The following AIFM3 variants were observed in gnomAD, a reference collection of about 807,000 sequenced individuals.
The protein encoded by AIFM3 is AIF family member 3.
A neutral mutation model predicts 82.7 loss-of-function variants in AIFM3; 71 were observed. That is an observed-to-expected ratio of 0.86 (90% CI 0.71 to 1.05). AIFM3 has a LOEUF of 1.05. Among genes scored for constraint, AIFM3 ranks in the 50% least tolerant of loss-of-function variants. The pLI, the probability that AIFM3 is intolerant of heterozygous loss-of-function variation, is 0.00. For missense variants in AIFM3, 748 were observed against 816.7 expected (o/e 0.92, Z 1.03); for synonymous variants, 337 against 329.1 (o/e 1.02, Z -0.26).
In AIFM3 at chr22:20,977,588, C is replaced by A; in HGVS notation, c.1283-112C>A. The A allele has an allele frequency of 1.5e-5, 21 of 1,361,466 alleles. No homozygotes were observed. In the South Asian group the frequency reaches 1.7e-4, roughly 11 times the overall value. The allele number at this position is 1,361,466 out of a possible 1,614,324, so 84.3% of individuals were successfully genotyped here. A position where few individuals can be genotyped will look rare whatever the true frequency, so the allele number is the denominator to read the frequency against. ...GTGCATGAAGGCCTCAGGTAGACAG[C>A]CCCTGGAGGATCAGTCTGGGGCTGG... On this transcript the variant is annotated intron_variant, in intron 14 of 20. Transcript: ENST00000440238.
At chr22:20,976,616 C>A (rs758033678) in intron 11 of AIFM3, 35 bp from the exon 12 acceptor site, 1 of 1,612,256 alleles carries the variant, frequency 6.2e-7, no homozygotes, top group Admixed American at 1.7e-5. Context: ...GAGGAAGGTG[C>A]AGGTGCCAGC....
intron 1 of AIFM3, 38 bp from the exon 2 acceptor site, chr22:20,967,767 A>G (rs958347491): frequency 1.6e-6 from 1 of 638,550 alleles, no homozygotes; most frequent in African/African-American, 1.8e-5. Context: ...CTACCTGCCC[A>G]CACGCCCCGG....
At position 20,974,458 on chromosome 22, in the gene AIFM3, G is replaced by A; in HGVS notation, c.511-67G>A. The stretch of plus-strand genomic sequence containing the variant: ...GGATGAGGCTGGGCTGGAGCGCCAG[G>A]ACCTGCCTGCCAGGATGATGGCATG... On this transcript the variant is annotated intron_variant, in intron 6 of 20. Transcript: ENST00000440238. 3 of 1,571,872 alleles carry A rather than the reference G, an allele frequency of 1.9e-6. No homozygotes were observed. The Admixed American group carries it at 5.7e-5, about 30-fold the overall frequency.
chr22:20,965,172 A>T (rs1386116505), upstream of AIFM3: 4 of 106,976 alleles, frequency 3.7e-5, no homozygotes, highest in Non-Finnish European at 5.7e-5. Context: ...CCGCGGCCCC[A>T]AGCGGTTCCC....
chr22:20,980,530 C>T, intron 19 of AIFM3: 1 of 636,792 alleles, frequency 1.6e-6, no homozygotes, highest in Non-Finnish European at 2.8e-6. Context: ...AGGTTTCACT[C>T]AACACCAGCC....
chr22:20,973,983 G>A, intron 4 of AIFM3, 80 bp from the exon 5 acceptor site: 1 of 1,501,204 alleles, frequency 6.7e-7, no homozygotes, highest in South Asian at 1.3e-5. Flanking sequence ...TGTGGGGAGG[G>A]GCCCGCAGTT....
intron 2 of AIFM3, among the ~76,000 whole-genome samples, chr22:20,970,149 T>A (rs1184461243): frequency 6.6e-6 from 1 of 152,222 alleles, no homozygotes; most frequent in Non-Finnish European, 1.5e-5. Flanking sequence ...ATCCTCACCA[T>A]GGCTGCTAGG....
rs2147941378 is a variant in AIFM3 at position 20,973,831 on chromosome 22, C to T, written c.319C>T (p.His107Tyr). 6.3e-7 allele frequency: 1 copy of T among 1,575,170 alleles called. No homozygotes were observed. The highest frequency in any genetic ancestry group is 8.6e-7 in the Non-Finnish European group (1 of 1,160,168). Reference sequence around the variant, plus strand: ...CAATGGGGAGTTCCACGCCCTGGGCCATAAGTGTCCGCACTACGGCGCACC... The same window carrying T: ...CAATGGGGAGTTCCACGCCCTGGGCTATAAGTGTCCGCACTACGGCGCACC... The part of the protein sequence containing the change: ...KDNGEFHALG[H>Y]KCPHYGAPLV... The change falls in exon 4 of 21, where the codon CAT (histidine) becomes TAT (tyrosine). Residue 107 changes from histidine (H) to tyrosine (Y), a missense_variant. Coordinates refer to ENST00000440238, the MANE Select transcript of AIFM3 (RefSeq NM_001386814.1).
chr22:20,967,512 C>T lies in AIFM3; in HGVS notation c.-141+209C>T, dbSNP rs147667710. ...GGATTTGGAGAGGGGAAGGGGGGCACGAGGAGGCAGTAGAAATCAGGGAGG... is the reference window on the plus strand; with the variant it reads ...GGATTTGGAGAGGGGAAGGGGGGCATGAGGAGGCAGTAGAAATCAGGGAGG... On this transcript the variant is annotated intron_variant, in intron 1 of 20. Coordinates refer to ENST00000440238, the MANE Select transcript of AIFM3 (RefSeq NM_001386814.1). Among the ~76,000 whole-genome samples the T allele has an allele frequency of 8.5e-5, 13 of 152,128 alleles. No individual in the cohort carries two copies. The East Asian group carries it at 2.1e-3, about 25-fold the overall frequency.
At chr22:20,968,072 G>T (rs1601698488) in intron 2 of AIFM3, 97 bp downstream of exon 2, 4 of 1,344,336 alleles carry the variant, frequency 3.0e-6, no homozygotes, top group Middle Eastern at 1.9e-4. Context: ...GTAGGCCTCC[G>T]AAGTAGGTCA....
At chr22:20,980,801 C>G in intron 20 of AIFM3, 34 bp downstream of exon 20, 1 of 1,613,912 alleles carries the variant, frequency 6.2e-7, no homozygotes. Flanking sequence ...CGTTCTGAGC[C>G]TTTCCCATGT....
rs1224773335 is a variant in AIFM3 at position 20,980,109 on chromosome 22, G to A, written c.1742G>A (p.Arg581Gln). 1 of 1,608,236 alleles carries A rather than the reference G, an allele frequency of 6.2e-7. No individual in the cohort carries two copies. The highest frequency in any genetic ancestry group is 1.7e-5 in the Admixed American group (1 of 60,016). ...GTGCTGGCCTCAGGCCGTGCCATCC[G>A]GAAGCGGGAGGTGGAGTGAGTGTGG... ...AEVLASGRAI[R>Q]KREVELFVLH... Residue 581 changes from arginine to glutamine, a missense_variant, in exon 19 of 21, where the codon CGG becomes CAG. By Grantham distance (43) the Arg-to-Gln change is conservative. This residue lies in a region of AIFM3 where 183 missense variants were observed against 158.2 expected (regional missense o/e 1.16). Coordinates refer to ENST00000440238, the MANE Select transcript of AIFM3 (RefSeq NM_001386814.1).
chr22:20,976,715 G>C lies in AIFM3; in HGVS notation c.1095G>C (p.Glu365Asp). 2 of 1,609,394 alleles carry C rather than the reference G, an allele frequency of 1.2e-6. No homozygotes were observed. The highest frequency in any genetic ancestry group is 1.7e-6 in the Non-Finnish European group (2 of 1,177,822). Residue 365 changes from glutamate to aspartate, a missense_variant, in exon 12 of 21, where the codon GAG becomes GAC. Around this residue, in one of 5 missense-constraint regions of AIFM3, gnomAD observed 393 missense variants for 481.1 expected, o/e 0.82. Transcript: ENST00000440238. ...CTGTGTCTGTGGTGGAGCTGGAGGAGACGCCCTTCAGGAGGTTCCTGGGGG... is the reference window on the plus strand; with the variant it reads ...CTGTGTCTGTGGTGGAGCTGGAGGACACGCCCTTCAGGAGGTTCCTGGGGG... ...AHSVSVVELE[E>D]TPFRRFLGER...
chr22:20,975,660 C>A, intron 8 of AIFM3, 32 bp from the exon 9 acceptor site: 1 of 1,609,458 alleles, frequency 6.2e-7, no homozygotes, highest in Non-Finnish European at 8.5e-7. Context: ...CTGCTGTAAA[C>A]TGGCTCCTCT....
intron 14 of AIFM3, 57 bp downstream of exon 14, chr22:20,977,152 A>AG: frequency 1.2e-6 from 2 of 1,602,066 alleles, no homozygotes; most frequent in Non-Finnish European, 1.7e-6. Flanking sequence ...GCACATGCTC[A>AG]CATGTGACCT....
Position 20,979,714 on chromosome 22 carries a change from G to C in AIFM3, c.1652+12G>C, listed in dbSNP as rs751639560. The C allele has an allele frequency of 6.2e-7, 1 of 1,614,156 alleles. No individual in the cohort carries two copies. Among genetic ancestry groups the C allele is most frequent in the Non-Finnish European group, 8.5e-7 (1 of 1,179,996 alleles). ...GCTTTTTACACTAAGTGAGAGCACC[G>C]GGGTGCAGCTTGGCGCGAAGCAGCG... On this transcript the variant is annotated intron_variant, in intron 18 of 20. Transcript: ENST00000440238.
chr22:20,978,072 C>A, intron 16 of AIFM3, 67 bp downstream of exon 16: 1 of 1,481,304 alleles, frequency 6.8e-7, no homozygotes, highest in Non-Finnish European at 9.4e-7. Flanking sequence ...TCCCCATGCC[C>A]ATGCCTCAGT....
At chr22:20,979,182 C>T in intron 16 of AIFM3, 89 bp from the exon 17 acceptor site, 1 of 1,311,034 alleles carries the variant, frequency 7.6e-7, no homozygotes, top group Non-Finnish European at 1.1e-6. Context: ...AGTAGCCACA[C>T]GTGTCAGGGG....
Position 20,981,193 on chromosome 22 carries a change from G to A in AIFM3, c.*162G>A. 28 of 939,684 alleles carry A rather than the reference G, an allele frequency of 3.0e-5. No homozygotes were observed. Among genetic ancestry groups the A allele is most frequent in the Non-Finnish European group, 4.3e-5 (27 of 626,504 alleles). 58.2% of individuals were successfully genotyped at this position (939,684 alleles called of 1,614,324 possible). On this transcript the variant is annotated 3_prime_UTR_variant, in exon 21 of 21. Transcript: ENST00000440238. ...CTGGCTCCCCTCCTGGGAGGCCTCTGCTGGATCCAGAAGATGCTCAACCCT... is the reference window on the plus strand; with the variant it reads ...CTGGCTCCCCTCCTGGGAGGCCTCTACTGGATCCAGAAGATGCTCAACCCT...
Sources: allele counts gnomAD v4.1 joint callset (sites outside exome capture counted in the v4.1 genomes callset), GRCh38; gene constraint gnomAD v4.1.1; regional missense constraint gnomAD v4.1.1; transcripts MANE v1.5; gene names NCBI Gene and HGNC (gene_info 2026-07-23, HGNC 2026-07-21).